The following POGLUT3 variants were observed in gnomAD, a reference collection of about 807,000 sequenced individuals.
POGLUT3 encodes the protein KDEL (Lys-Asp-Glu-Leu) containing 2.
Under a neutral mutation model 54.3 loss-of-function variants are expected in POGLUT3, and 48 were observed. That is an observed-to-expected ratio of 0.88 (90% CI 0.70 to 1.12). The LOEUF (loss-of-function observed/expected upper bound fraction) is 1.12, where lower values mean the gene tolerates loss of function less well. Among genes scored for constraint, POGLUT3 ranks in the 50% most tolerant of loss-of-function variants. The probability of loss-of-function intolerance (pLI) is 0.00; values close to 1 mark genes in which losing one functional copy is unlikely to be tolerated. For synonymous variants in POGLUT3, 218 were observed against 237.4 expected, an observed-to-expected ratio of 0.92 and a Z score of 0.75; for missense variants, 629 against 618.7, an observed-to-expected ratio of 1.02 and a Z score of -0.18.
intron 1 of POGLUT3, chr11:108,491,422 C>T (rs1327444820): frequency 8.7e-6 from 5 of 577,678 alleles, no homozygotes; most frequent in Admixed American, 6.2e-5. Context: ...AGGCAGAATC[C>T]TAGCTCATTA....
intron 2 of POGLUT3, 35 bp from the exon 3 acceptor site, chr11:108,486,475 A>G (rs981372186): frequency 1.9e-6 from 3 of 1,600,180 alleles, no homozygotes; most frequent in Non-Finnish European, 2.6e-6. Context: ...GCCGCACTCC[A>G]TTAGCAAGCA....
chr11:108,497,313 T>C (rs1461517731), intron 1 of POGLUT3, among the ~76,000 whole-genome samples: 1 of 152,206 alleles, frequency 6.6e-6, no homozygotes, highest in Non-Finnish European at 1.5e-5. Context: ...AAGACCCCCT[T>C]ACCCCTTTCC....
intron 1 of POGLUT3, chr11:108,491,381 G>A (rs1195674073): frequency 1.7e-6 from 1 of 600,290 alleles, no homozygotes; most frequent in Non-Finnish European, 2.9e-6. Flanking sequence ...TTGAGACAGG[G>A]TCTTGCTCTG....
Position 108,474,790 on chromosome 11 carries a change from G to T in POGLUT3, c.*37C>A. ...CTTAGATTCAATCTTTCCTTAAAGT[G>T]TAGCCGGGATACACAGGAGTGTGAT... On this transcript the variant is annotated 3_prime_UTR_variant, in exon 8 of 8. Transcript: ENST00000323468. The T allele has an allele frequency of 3.1e-6, 5 of 1,594,274 alleles. No homozygotes were observed. Among genetic ancestry groups the T allele is most frequent in the Non-Finnish European group, 4.3e-6 (5 of 1,166,046 alleles).
chr11:108,482,235 A>G lies in POGLUT3; in HGVS notation c.685-13T>C, dbSNP rs1329406417. On this transcript the variant is annotated splice_polypyrimidine_tract_variant and intron_variant, in intron 3 of 7. Coordinates refer to ENST00000323468, the MANE Select transcript of POGLUT3 (RefSeq NM_153705.5). ...CTGGGAGAAGGACCTAAATAAACAT[A>G]TAAACAAACATCAGTGCTGGGAAGA... 1.3e-6 allele frequency: 2 copies of G among 1,565,662 alleles called. No homozygotes were observed. Among genetic ancestry groups the G allele is most frequent in the South Asian group, 1.1e-5 (1 of 89,676 alleles).
At chr11:108,476,520 G>A (rs1415062226) in intron 7 of POGLUT3, among the ~76,000 whole-genome samples, 1 of 152,156 alleles carries the variant, frequency 6.6e-6, no homozygotes, top group East Asian at 1.9e-4. Context: ...GCTGCTTCTA[G>A]TAAATAGTGT....
At chr11:108,494,954 TA>T (rs1565752289) in intron 1 of POGLUT3, among the ~76,000 whole-genome samples, 2 of 152,216 alleles carry the variant, frequency 1.3e-5, no homozygotes, top group Admixed American at 1.3e-4. Flanking sequence ...TTACTGAAAA[TA>T]AAGATACAGT....
intron 3 of POGLUT3, among the ~76,000 whole-genome samples, chr11:108,483,834 A>G (rs1466285233): frequency 6.6e-6 from 1 of 151,860 alleles, no homozygotes; most frequent in African/African-American, 2.4e-5. Context: ...ACACCCGGCT[A>G]ATTTTTGTAT....
chr11:108,490,884 A>G, intron 2 of POGLUT3, 86 bp downstream of exon 2: 1 of 909,764 alleles, frequency 1.1e-6, no homozygotes, highest in African/African-American at 1.6e-5. Context: ...ACTGCACATG[A>G]CTTTGAGGTC....
chr11:108,474,067 G>A lies in POGLUT3; in HGVS notation c.*760C>T, dbSNP rs1472041850. ...AGAAATTATGCAGTGACGGGGGGCG[G>A]GGGGACAACCCTGAACAAATATTTT... On this transcript the variant is annotated 3_prime_UTR_variant, in exon 8 of 8. Transcript: ENST00000323468. 7 of 152,002 alleles carry A rather than the reference G, an allele frequency of 4.6e-5. No homozygotes were observed. Among genetic ancestry groups the A allele is most frequent in the Admixed American group, 2.0e-4 (3 of 15,252 alleles). The allele number at this position is 152,002 out of a possible 1,614,324, so 9.4% of individuals were successfully genotyped here. A position where few individuals can be genotyped will look rare whatever the true frequency, so the allele number is the denominator to read the frequency against.
intron 3 of POGLUT3, among the ~76,000 whole-genome samples, chr11:108,484,100 A>G (rs1415071981): frequency 6.6e-6 from 1 of 152,128 alleles, no homozygotes; most frequent in Non-Finnish European, 1.5e-5. Context: ...GGGGGGTGCT[A>G]TCCTTTGCAC....
At chr11:108,496,110 C>T (rs1245638761) in intron 1 of POGLUT3, among the ~76,000 whole-genome samples, 1 of 151,984 alleles carries the variant, frequency 6.6e-6, no homozygotes, top group African/African-American at 2.4e-5. Flanking sequence ...ACTAGCTAAT[C>T]CAGCTCAGTG....
At position 108,486,227 on chromosome 11, in the gene POGLUT3, C is replaced by T. The variant is rs756678069; in HGVS notation, c.614G>A (p.Arg205Gln). Reference protein sequence around the residue: ...HYTILNNHVYRRSLGKYTDFK... With the variant: ...HYTILNNHVYQRSLGKYTDFK... Reference sequence around the variant, plus strand: ...GTCTGTGTATTTCCCTAAAGATCTCCGGTAAACATGGTTATTGAGAATCGT... The same window carrying T: ...GTCTGTGTATTTCCCTAAAGATCTCTGGTAAACATGGTTATTGAGAATCGT... The change falls in exon 3 of 8, where the codon CGG (arginine) becomes CAG (glutamine). Residue 205 changes from arginine (R) to glutamine (Q), a missense_variant. Arg to Gln is a conservative substitution (Grantham distance 43). Transcript: ENST00000323468. 85 of 1,613,790 alleles carry T rather than the reference C, an allele frequency of 5.3e-5. No individual in the cohort carries two copies. The highest frequency in any genetic ancestry group is 3.3e-4 in the Middle Eastern group (2 of 6,060).
intron 6 of POGLUT3, among the ~76,000 whole-genome samples, chr11:108,478,639 C>A (rs1339378683): frequency 2.6e-5 from 4 of 152,178 alleles, no homozygotes; most frequent in African/African-American, 7.2e-5. Flanking sequence ...AACAGTTAAT[C>A]TTCTACAATG....
In POGLUT3 at chr11:108,498,381, A is replaced by C. The variant is rs1338734625; in HGVS notation, c.-15T>G. On this transcript the variant is annotated 5_prime_UTR_variant, in exon 1 of 8. Coordinates refer to ENST00000323468, the MANE Select transcript of POGLUT3 (RefSeq NM_153705.5). ...AGGCGGCGCATGGTCGGCGGGGCAC[A>C]ACTGCGGTCCAGCTCCGCGGCGGCG... is the stretch of plus-strand genomic sequence containing the variant. 2 of 1,287,624 alleles carry C rather than the reference A, an allele frequency of 1.6e-6. No individual in the cohort carries two copies. Among genetic ancestry groups the C allele is most frequent in the Admixed American group, 4.3e-5 (1 of 23,020 alleles). 79.8% of individuals were successfully genotyped at this position (1,287,624 alleles called of 1,614,324 possible).
At chr11:108,493,623 G>T (rs940148194) in intron 1 of POGLUT3, among the ~76,000 whole-genome samples, 33 of 152,044 alleles carry the variant, frequency 2.2e-4, no homozygotes, top group African/African-American at 7.2e-4. Flanking sequence ...GACCAACATG[G>T]TGAAACCCCT....
Position 108,474,561 on chromosome 11 carries a change from T to C in POGLUT3, c.*266A>G. The C allele has an allele frequency of 4.1e-6, 1 of 246,680 alleles. No individual in the cohort carries two copies. Among genetic ancestry groups the C allele is most frequent in the African/African-American group, 2.2e-5 (1 of 44,956 alleles). 15.3% of individuals were successfully genotyped at this position (246,680 alleles called of 1,614,324 possible). ...ATAAAATATAAATGAATTTTGTGTTTAGACTTGGATCTCATCCCCAAGATA... is the reference window on the plus strand; with the variant it reads ...ATAAAATATAAATGAATTTTGTGTTCAGACTTGGATCTCATCCCCAAGATA... On this transcript the variant is annotated 3_prime_UTR_variant, in exon 8 of 8. Coordinates refer to ENST00000323468, the MANE Select transcript of POGLUT3 (RefSeq NM_153705.5).
chr11:108,498,265 C>CA lies in POGLUT3; in HGVS notation c.101dup (p.Trp35ValfsTer35). 2 of 1,497,078 alleles carry CA rather than the reference C, an allele frequency of 1.3e-6. No homozygotes were observed. The highest frequency in any genetic ancestry group is 2.9e-5 in the East Asian group (1 of 34,026). 92.7% of individuals were successfully genotyped at this position (1,497,078 alleles called of 1,614,324 possible). A position where few individuals can be genotyped will look rare whatever the true frequency, so the allele number is the denominator to read the frequency against. On this transcript the variant is annotated frameshift_variant, in exon 1 of 8. Transcript: ENST00000323468. LOFTEE classifies it high-confidence loss of function. ...CGGCCGCCTGCAGCCCGGGCCCCCA[C>CA]ACCAGGCTCCGCGGCGCGCTGACCA...
At chr11:108,496,656 C>G (rs2093622754) in intron 1 of POGLUT3, among the ~76,000 whole-genome samples, 1 of 151,966 alleles carries the variant, frequency 6.6e-6, no homozygotes, top group African/African-American at 2.4e-5. Context: ...TAGGGTCTAA[C>G]TGGTAGACAC....
Sources: gnomAD v4.1 joint callset for allele counts (sites outside exome capture counted in the v4.1 genomes callset) on GRCh38, gnomAD v4.1.1 for gene constraint, MANE v1.5 for transcripts, NCBI Gene and HGNC (gene_info 2026-07-23, HGNC 2026-07-21) for gene names.